The following ILDR1 variants were observed in gnomAD, a reference collection of about 807,000 sequenced individuals.
The protein encoded by ILDR1 is immunoglobulin-like domain-containing receptor 1.
In ILDR1, 56 loss-of-function variants were observed where a neutral mutation model predicts 62.4. The observed-to-expected ratio is 0.90, with a 90% CI of 0.72 to 1.12. ILDR1 has a LOEUF of 1.12. Ranked by LOEUF, ILDR1 falls within the 50% of genes most tolerant of loss-of-function variation. ILDR1 has a pLI of 0.00. For missense variants in ILDR1, 736 were observed against 710.6 expected, an observed-to-expected ratio of 1.04 and a Z score of -0.41; for synonymous variants, 284 against 277.8, an observed-to-expected ratio of 1.02 and a Z score of -0.22.
At chr3:122,020,938 A>C (rs1044628485) in intron 1 of ILDR1, among the ~76,000 whole-genome samples, 1 of 152,130 alleles carries the variant, frequency 6.6e-6, no homozygotes, top group Non-Finnish European at 1.5e-5. Context: ...TTTTATTCTC[A>C]GCATTACGCT....
At chr3:122,028,693 G>A in the ILDR1 span, among the ~76,000 whole-genome samples, 1 of 152,122 alleles carries the variant, frequency 6.6e-6, no homozygotes, top group Admixed American at 6.5e-5. Flanking sequence ...AACTTGTACC[G>A]GTAATCAGGA....
chr3:121,993,444 G>T lies in ILDR1; in HGVS notation c.1305C>A (p.Ser435Arg), dbSNP rs35597690. Residue 435 changes from serine (S) to arginine (R), a missense_variant, in exon 7 of 8, where the codon AGC becomes AGA. Physicochemically the swap from Ser to Arg is moderately radical, Grantham distance 110. Coordinates refer to ENST00000344209, the MANE Select transcript of ILDR1 (RefSeq NM_001199799.2). The stretch of plus-strand genomic sequence containing the variant: ...GACAGCGGCTCCTGAAAGGAGGGTG[G>T]CTCGGCCGCCAGCGTGCCTCACTGG... ...PSSSEARWRP[S>R]HPPFRSRCQE... 3,419 of 1,614,008 alleles carry T rather than the reference G, an allele frequency of 2.1e-3. 10 individuals carry two copies. The highest frequency in any genetic ancestry group is 2.8e-3 in the Non-Finnish European group (3,291 of 1,179,996).
At chr3:122,049,609 C>A in the ILDR1 span, among the ~76,000 whole-genome samples, 1 of 152,064 alleles carries the variant, frequency 6.6e-6, no homozygotes, top group African/African-American at 2.4e-5. Flanking sequence ...TGAATTGAAC[C>A]TTTTATCATT....
intron 2 of ILDR1, 90 bp from the exon 3 acceptor site, chr3:122,005,483 T>A: frequency 7.1e-7 from 1 of 1,404,656 alleles, no homozygotes; most frequent in Non-Finnish European, 1.0e-6. Flanking sequence ...TGAGACACAG[T>A]GAAGTGTCTC....
the ILDR1 span, among the ~76,000 whole-genome samples, chr3:122,048,557 G>C: frequency 5.9e-5 from 9 of 152,162 alleles, no homozygotes; most frequent in Non-Finnish European, 1.3e-4. Flanking sequence ...CTGGTCTTGA[G>C]CTTTTCTTTA....
At chr3:122,040,715 T>C in the ILDR1 span, among the ~76,000 whole-genome samples, 1 of 108,026 alleles carries the variant, frequency 9.3e-6, no homozygotes, top group African/African-American at 3.5e-5. Flanking sequence ...CAACTGGAAA[T>C]CCAGATGCAA....
chr3:122,029,367 C>T, the ILDR1 span, among the ~76,000 whole-genome samples: 3 of 151,784 alleles, frequency 2.0e-5, no homozygotes, highest in Admixed American at 6.6e-5. Context: ...ATTAGCCAGG[C>T]GTGGTGGTGC....
the ILDR1 span, among the ~76,000 whole-genome samples, chr3:122,058,546 G>C: frequency 2.3e-4 from 35 of 152,120 alleles, no homozygotes; most frequent in Admixed American, 2.0e-3. Context: ...CTCAAGACCT[G>C]GGTAATTAAA....
At chr3:121,990,968 G>A (rs574800932) in intron 7 of ILDR1, among the ~76,000 whole-genome samples, 5 of 152,302 alleles carry the variant, frequency 3.3e-5, no homozygotes, top group Admixed American at 6.5e-5. Flanking sequence ...TTGGGAGGTC[G>A]AGGCGGGCAG....
In ILDR1 at chr3:121,988,300, A is replaced by G; in HGVS notation, c.*67T>C. On this transcript the variant is annotated 3_prime_UTR_variant, in exon 8 of 8. Coordinates refer to ENST00000344209, the MANE Select transcript of ILDR1 (RefSeq NM_001199799.2). ...CTTGCAGTTCCCAAGTCAGCTGGAA[A>G]CCTAGGTGATGCTGATGACACACAG... 12 of 1,337,028 alleles carry G rather than the reference A, an allele frequency of 9.0e-6. No homozygotes were observed. The highest frequency in any genetic ancestry group is 1.3e-5 in the Non-Finnish European group (12 of 927,340). 82.8% of individuals were successfully genotyped at this position (1,337,028 alleles called of 1,614,324 possible).
intron 3 of ILDR1, 84 bp from the exon 4 acceptor site, chr3:122,001,948 G>A: frequency 6.8e-7 from 1 of 1,478,198 alleles, no homozygotes; most frequent in Non-Finnish European, 9.4e-7. Flanking sequence ...GACCTGGGCA[G>A]CATGGCAAGA....
chr3:122,050,329 T>C, the ILDR1 span, among the ~76,000 whole-genome samples: 1 of 152,236 alleles, frequency 6.6e-6, no homozygotes, highest in Non-Finnish European at 1.5e-5. Flanking sequence ...GTAGCTATTC[T>C]GTTGCTCTTT....
chr3:121,993,708 G>A lies in ILDR1; in HGVS notation c.1041C>T (p.Asp347=), dbSNP rs2071392402. The A allele has an allele frequency of 6.2e-7, 1 of 1,614,056 alleles. No individual in the cohort carries two copies. The highest frequency in any genetic ancestry group is 1.3e-5 in the African/African-American group (1 of 74,940). ...GGGTGAGCCACTGCTGGTGCAGGGAGTCACTGGTCCTCCTTGAGGATGACA... is the reference window on the plus strand; with the variant it reads ...GGGTGAGCCACTGCTGGTGCAGGGAATCACTGGTCCTCCTTGAGGATGACA... The part of the protein sequence containing the change: ...RDLSSSRRTS[D]SLHQQWLTPI... The change falls in exon 7 of 8, where the codon GAC becomes GAT. Residue 347 remains aspartate, a synonymous_variant. Coordinates refer to ENST00000344209, the MANE Select transcript of ILDR1 (RefSeq NM_001199799.2).
At chr3:122,001,519 T>C in intron 4 of ILDR1, 65 bp from the exon 5 acceptor site, 1 of 1,578,768 alleles carries the variant, frequency 6.3e-7, no homozygotes, top group Non-Finnish European at 8.7e-7. Context: ...CTTCCAGTTC[T>C]GATATCCTAG....
At chr3:122,016,218 C>T (rs1057146562) in intron 1 of ILDR1, among the ~76,000 whole-genome samples, 4 of 152,246 alleles carry the variant, frequency 2.6e-5, no homozygotes, top group Non-Finnish European at 2.9e-5. Flanking sequence ...ACTCATGCAT[C>T]ATCCCTTCAG....
At chr3:122,037,952 GTCTC>G in the ILDR1 span, among the ~76,000 whole-genome samples, 391 of 149,808 alleles carry the variant, frequency 2.6e-3, 2 homozygotes, top group African/African-American at 8.9e-3. Flanking sequence ...CTCTGTCTCT[GTCTC>G]TCTCTCTCTC....
chr3:122,027,694 T>C, the ILDR1 span, among the ~76,000 whole-genome samples: 19 of 152,116 alleles, frequency 1.2e-4, no homozygotes, highest in Non-Finnish European at 2.2e-4. Flanking sequence ...GACAAGACAA[T>C]TTAGAAGAAG....
chr3:122,051,173 C>T, the ILDR1 span, among the ~76,000 whole-genome samples: 1 of 152,098 alleles, frequency 6.6e-6, no homozygotes, highest in African/African-American at 2.4e-5. Flanking sequence ...CCATTTTCTC[C>T]CTCAGATTTG....
At chr3:122,047,570 C>T in the ILDR1 span, among the ~76,000 whole-genome samples, 400 of 152,294 alleles carry the variant, frequency 2.6e-3, no homozygotes, top group South Asian at 7.1e-3. Context: ...AGCGAGATTC[C>T]GTGGGCGTAG....
Sources: gnomAD v4.1 joint callset for allele counts (sites outside exome capture counted in the v4.1 genomes callset) on GRCh38, gnomAD v4.1.1 for gene constraint, MANE v1.5 for transcripts, NCBI Gene and HGNC (gene_info 2026-07-23, HGNC 2026-07-21) for gene names.